CERKL: variants seen among roughly 807,000 people sequenced by gnomAD.
CERKL encodes the protein ceramide kinase-like protein.
CERKL carries 61 observed loss-of-function variants against 63.4 expected under a neutral mutation model. The ratio of observed to expected loss-of-function variants is 0.96; its 90% CI spans 0.78 to 1.19. The LOEUF (loss-of-function observed/expected upper bound fraction) is 1.19, where lower values mean the gene tolerates loss of function less well. CERKL is among the 50% of genes most tolerant of loss of function. CERKL has a pLI of 0.00. For synonymous variants in CERKL, 250 were observed against 230.5 expected, an observed-to-expected ratio of 1.08 and a Z score of -0.77; for missense variants, 675 against 655.5, an observed-to-expected ratio of 1.03 and a Z score of -0.33.
intron 1 of CERKL, among the ~76,000 whole-genome samples, chr2:181,647,488 A>G (rs1687719468): frequency 6.6e-6 from 1 of 152,182 alleles, no homozygotes; most frequent in Admixed American, 6.5e-5. Context: ...AGCCTAGGCC[A>G]CTGAGGAAAT....
rs918762280 is a variant in CERKL, at chr2:181,549,393, AT to A, written c.895+240del. 5.3e-5 allele frequency among the ~76,000 whole-genome samples: 8 copies of A among 152,062 alleles called. No individual in the cohort carries two copies. The East Asian group carries it at 1.5e-3, about 29-fold the overall frequency. ...ATTATAATTTTGAGCACACTACAAT[AT>A]TTTTTTTCTGTACAGATTACAATAA... On this transcript the variant is annotated intron_variant, in intron 6 of 12. Transcript: ENST00000410087.
intron 1 of CERKL, among the ~76,000 whole-genome samples, chr2:181,641,344 T>C (rs1469376938): frequency 0.053 from 292 of 5,546 alleles, no homozygotes; most frequent in African/African-American, 0.16. Context: ...TATATATATA[T>C]ACATATATAT....
intron 1 of CERKL, among the ~76,000 whole-genome samples, chr2:181,641,294 T>C (rs956648805): frequency 5.7e-5 from 8 of 141,332 alleles, no homozygotes; most frequent in Admixed American, 1.5e-4. Context: ...TATGTATATA[T>C]GTGTATGCAT....
Position 181,536,833 on chromosome 2 carries a change from ACT to A in CERKL, c.*1349_*1350del, listed in dbSNP as rs1375678740. 8.0e-6 allele frequency: 3 copies of A among 373,818 alleles called. No homozygotes were observed. The highest frequency in any genetic ancestry group is 1.6e-5 in the Non-Finnish European group (3 of 187,062). The allele number at this position is 373,818 out of a possible 1,614,324, so 23.2% of individuals were successfully genotyped here. A position where few individuals can be genotyped will look rare whatever the true frequency, so the allele number is the denominator to read the frequency against. ...TAATTGCAGAATATCATTTTATCTGACTCTGCCTTCATAAGAGAGCTGTGGCC... is the reference window on the plus strand; with the variant it reads ...TAATTGCAGAATATCATTTTATCTGACTGCCTTCATAAGAGAGCTGTGGCC... On this transcript the variant is annotated 3_prime_UTR_variant, in exon 13 of 13. Transcript: ENST00000410087.
At chr2:181,656,701 T>G in intron 1 of CERKL, 68 bp downstream of exon 1, 1 of 1,317,824 alleles carries the variant, frequency 7.6e-7, no homozygotes, top group Non-Finnish European at 1.0e-6. Context: ...CTCGTGGGTG[T>G]AGGCCTTGGG....
intron 2 of CERKL, among the ~76,000 whole-genome samples, chr2:181,601,930 A>T (rs1685476007): frequency 6.6e-5 from 10 of 152,248 alleles, no homozygotes; most frequent in Admixed American, 6.5e-4. Context: ...TATCAAAATC[A>T]AAGTTTCAAA....
At chr2:181,639,023 T>C (rs190536750) in intron 1 of CERKL, among the ~76,000 whole-genome samples, 15 of 152,304 alleles carry the variant, frequency 9.8e-5, no homozygotes, top group Admixed American at 9.8e-4. Context: ...TGAGAAAATT[T>C]AAAAGGCATA....
rs1685028052 is a variant in CERKL at position 181,592,479 on chromosome 2, C to A, written c.481+11358G>T. 3.3e-5 allele frequency among the ~76,000 whole-genome samples: 5 copies of A among 152,244 alleles called. No homozygotes were observed. The South Asian group carries it at 6.2e-4, about 19-fold the overall frequency. ...TAAAATATTTTATTGGCACCTATCACTTTTTGAGTATTTATATATTTGACG... is the reference window on the plus strand; with the variant it reads ...TAAAATATTTTATTGGCACCTATCAATTTTTGAGTATTTATATATTTGACG... On this transcript the variant is annotated intron_variant, in intron 2 of 12. Transcript: ENST00000410087.
rs1394658300 is a variant in CERKL, at chr2:181,550,713, T to C, written c.821-1005A>G. On this transcript the variant is annotated intron_variant, in intron 5 of 12. Transcript: ENST00000410087. The surrounding 1 kb of genome is among the most constrained non-coding windows in gnomAD (Gnocchi z 4.5). The stretch of plus-strand genomic sequence containing the variant: ...CAATTTGTGTTACTTTGAACTGATA[T>C]GTACTTGGGTTGCTAAATTGGAGAA... Among the ~76,000 whole-genome samples the C allele has an allele frequency of 1.3e-5, 2 of 152,180 alleles. No individual in the cohort carries two copies. Among genetic ancestry groups the C allele is most frequent in the Non-Finnish European group, 2.9e-5 (2 of 68,034 alleles).
intron 2 of CERKL, among the ~76,000 whole-genome samples, chr2:181,584,825 G>A (rs923232760): frequency 5.3e-5 from 8 of 149,614 alleles, no homozygotes; most frequent in African/African-American, 2.0e-4. Flanking sequence ...GGTTTTTTTT[G>A]TTTTTGTTTT....
chr2:181,539,849 T>C (rs930628575), intron 11 of CERKL, among the ~76,000 whole-genome samples: 2 of 152,206 alleles, frequency 1.3e-5, no homozygotes, highest in African/African-American at 4.8e-5. Flanking sequence ...CAAGGTAAAC[T>C]TCAACTTGCG....
chr2:181,572,582 GA>G (rs1358847513), intron 3 of CERKL, among the ~76,000 whole-genome samples: 1 of 152,064 alleles, frequency 6.6e-6, no homozygotes, highest in African/African-American at 2.4e-5. Flanking sequence ...TCAGTAGAAA[GA>G]AAACATAAAT....
chr2:181,589,217 C>A (rs1287976109), intron 2 of CERKL, among the ~76,000 whole-genome samples: 3 of 152,208 alleles, frequency 2.0e-5, no homozygotes, highest in Non-Finnish European at 4.4e-5. Context: ...TGGCTCCCAA[C>A]AACAAGGCAT....
intron 1 of CERKL, among the ~76,000 whole-genome samples, chr2:181,629,274 T>C (rs770665636): frequency 1.3e-5 from 2 of 152,146 alleles, no homozygotes; most frequent in Non-Finnish European, 2.9e-5. Flanking sequence ...AAAATAATAT[T>C]GGTGCCCTCT....
chr2:181,568,707 TA>T (rs1688771909), intron 3 of CERKL, among the ~76,000 whole-genome samples: 1 of 151,734 alleles, frequency 6.6e-6, no homozygotes, highest in Non-Finnish European at 1.5e-5. Context: ...ATTATACTTT[TA>T]AGTTTTAGGG....
In CERKL at chr2:181,547,621, G is replaced by C. The variant is rs767594454; in HGVS notation, c.1265C>G (p.Thr422Ser). The change falls in exon 10 of 13, where the codon ACC becomes AGC. Residue 422 changes from threonine (T) to serine (S), a missense_variant. Physicochemically the swap from Thr to Ser is moderately conservative, Grantham distance 58. Transcript: ENST00000410087. ...TTCAATAAAAATGCTTACTAACCTG[G>C]TATTAGGTGCCAAGCCTCTAGGTGC... ...SVAPRGLAPN[T>S]RLNNGSMALI... 6.2e-7 allele frequency: 1 copy of C among 1,612,634 alleles called. No individual in the cohort carries two copies. The highest frequency in any genetic ancestry group is 1.1e-5 in the South Asian group (1 of 91,046).
chr2:181,588,234 C>T (rs1684846719), intron 2 of CERKL, among the ~76,000 whole-genome samples: 3 of 152,120 alleles, frequency 2.0e-5, no homozygotes, highest in African/African-American at 4.8e-5. Flanking sequence ...TCCTGTATCC[C>T]GTGACCAACA....
Position 181,573,835 on chromosome 2 carries a change from A to C in CERKL, c.531T>G (p.Ser177Arg), listed in dbSNP as rs758633572. 1.2e-6 allele frequency: 2 copies of C among 1,612,452 alleles called. No homozygotes were observed. ...AAACCTGGGTAGCTTCTTTTTTGTG[A>C]CTTTGGGGGTTAAGGAGTATTTTTA... ...KSLKILLNPQ[S>R]HKKEATQVYY... Residue 177 changes from serine to arginine, a missense_variant, in exon 3 of 13, where the codon AGT (serine) becomes AGG (arginine). Ser to Arg is a moderately radical substitution (Grantham distance 110, BLOSUM62 -1). Transcript: ENST00000410087.
intron 1 of CERKL, among the ~76,000 whole-genome samples, chr2:181,620,945 G>A (rs1009731578): frequency 6.6e-6 from 1 of 152,158 alleles, no homozygotes; most frequent in Admixed American, 6.5e-5. Context: ...CAAAGGGAAG[G>A]TGATAAGCAA....
Sources: gnomAD v4.1 joint callset for allele counts (sites outside exome capture counted in the v4.1 genomes callset) on GRCh38, gnomAD v4.1.1 for gene constraint, Gnocchi (gnomAD v3.1) non-coding constraint, MANE v1.5 for transcripts, NCBI Gene and HGNC (gene_info 2026-07-23, HGNC 2026-07-21) for gene names.